Variants in SOX5 observed in about 807,000 individuals in gnomAD.
SOX5 encodes transcription factor SOX-5.
Under a neutral mutation model 92.0 loss-of-function variants are expected in SOX5, and 9 were observed. That is an observed-to-expected ratio of 0.10 (90% CI 0.06 to 0.17). SOX5 has a LOEUF of 0.17. SOX5 is among the 10% of genes least tolerant of loss of function. The pLI is 1.00. For missense variants in SOX5, 642 were observed against 944.5 expected (o/e 0.68, Z 4.20); for synonymous variants, 344 against 336.3 (o/e 1.02, Z -0.25).
chr12:24,369,484 G>A (rs1265841536), intron 1 of SOX5, among the ~76,000 whole-genome samples: 1 of 152,168 alleles, frequency 6.6e-6, no homozygotes, highest in Non-Finnish European at 1.5e-5. Flanking sequence ...TCCCCTGGCT[G>A]GCAATGCTCT....
chr12:24,157,341 CA>C (rs1345105225), intron 4 of SOX5, among the ~76,000 whole-genome samples: 4 of 152,046 alleles, frequency 2.6e-5, no homozygotes, highest in Non-Finnish European at 5.9e-5. Flanking sequence ...TAAGTTAGTT[CA>C]AAGTTCAAGG....
chr12:24,318,966 C>T (rs1660089065), intron 2 of SOX5, among the ~76,000 whole-genome samples: 1 of 152,304 alleles, frequency 6.6e-6, no homozygotes. Flanking sequence ...CCAGATGACA[C>T]CTCACACCGC....
At chr12:24,346,662 G>A (rs781179834) in intron 2 of SOX5, among the ~76,000 whole-genome samples, 5 of 151,864 alleles carry the variant, frequency 3.3e-5, no homozygotes, top group East Asian at 1.9e-4. Context: ...TATGCTGGCC[G>A]GGCTGGTCTC....
At position 23,887,624 on chromosome 12, in the gene SOX5, A is replaced by G. The variant is rs114357449; in HGVS notation, c.270+8169T>C. ...AGCCAAGTATTTCATCATTCTCTCC[A>G]TTGCATTCAAGGTGGTCACCCAGAT... is the stretch of plus-strand genomic sequence containing the variant. On this transcript the variant is annotated intron_variant, in intron 2 of 14. Transcript: ENST00000451604. Among the ~76,000 whole-genome samples the G allele has an allele frequency of 3.3e-3, 506 of 152,168 alleles. 1 individual carries two copies. Among genetic ancestry groups the G allele is most frequent in the African/African-American group, 0.012 (498 of 41,516 alleles).
At chr12:24,231,868 A>AT (rs1191717047) in intron 3 of SOX5, among the ~76,000 whole-genome samples, 2 of 152,210 alleles carry the variant, frequency 1.3e-5, no homozygotes, top group Non-Finnish European at 2.9e-5. Context: ...ATATCAAAGT[A>AT]TTTTTTAAAA....
chr12:24,529,681 T>G (rs1044612144), intron 1 of SOX5, among the ~76,000 whole-genome samples: 1 of 152,184 alleles, frequency 6.6e-6, no homozygotes, highest in Non-Finnish European at 1.5e-5. Flanking sequence ...CCTTGTAATT[T>G]TTTTCAAGAG....
At chr12:23,569,469 A>G (rs144420453) in intron 10 of SOX5, among the ~76,000 whole-genome samples, 1,786 of 152,284 alleles carry the variant, frequency 0.012, 35 homozygotes, top group African/African-American at 0.04. Flanking sequence ...TGCAGCTTTT[A>G]CTGGAACTTT....
intron 1 of SOX5, among the ~76,000 whole-genome samples, chr12:24,547,261 G>A (rs1005882638): frequency 1.7e-4 from 25 of 146,566 alleles, no homozygotes; most frequent in Admixed American, 7.8e-4. Flanking sequence ...GCGCAATCTC[G>A]GCTCAATGCA....
intron 1 of SOX5, among the ~76,000 whole-genome samples, chr12:24,378,685 G>C (rs1957527108): frequency 6.6e-6 from 1 of 152,188 alleles, no homozygotes; most frequent in South Asian, 2.1e-4. Flanking sequence ...GTGTGACAGA[G>C]CTCAGAGGAA....
chr12:23,998,636 C>G (rs987297566), intron 4 of SOX5, among the ~76,000 whole-genome samples: 3 of 151,568 alleles, frequency 2.0e-5, no homozygotes, highest in Admixed American at 6.6e-5. Flanking sequence ...AACCCCATCT[C>G]TACTAAAATA....
At chr12:24,511,912 C>T (rs1949352963) in intron 1 of SOX5, among the ~76,000 whole-genome samples, 2 of 148,024 alleles carry the variant, frequency 1.4e-5, no homozygotes, top group Non-Finnish European at 3.0e-5. Flanking sequence ...GAGCCCAGAT[C>T]GTGCCACTGC....
chr12:24,237,051 C>T (rs971269734), intron 3 of SOX5, among the ~76,000 whole-genome samples: 11 of 152,168 alleles, frequency 7.2e-5, no homozygotes, highest in African/African-American at 2.4e-4. Context: ...AAATGAGAAG[C>T]TGCCAAGAAA....
chr12:23,957,484 C>T (rs756337150), intron 4 of SOX5, among the ~76,000 whole-genome samples: 10 of 152,020 alleles, frequency 6.6e-5, no homozygotes, highest in African/African-American at 9.7e-5. Flanking sequence ...CTGTGATTGG[C>T]GTAGGGGGGA....
At chr12:23,605,267 A>G (rs2075100471) in intron 8 of SOX5, among the ~76,000 whole-genome samples, 1 of 152,012 alleles carries the variant, frequency 6.6e-6, no homozygotes, top group East Asian at 1.9e-4. Flanking sequence ...AATAAAAGAA[A>G]AATTTTACTT....
intron 4 of SOX5, among the ~76,000 whole-genome samples, chr12:24,171,838 T>TA (rs34640698): frequency 1.1e-4 from 16 of 151,624 alleles, no homozygotes; most frequent in East Asian, 5.9e-4. Flanking sequence ...TCTCTATTTT[T>TA]AAAAAAAAGA....
At chr12:24,267,413 T>C (rs1257740357) in intron 3 of SOX5, among the ~76,000 whole-genome samples, 1 of 152,210 alleles carries the variant, frequency 6.6e-6, no homozygotes, top group Non-Finnish European at 1.5e-5. Flanking sequence ...GAGCATTATG[T>C]AAGAAAATAA....
At chr12:24,366,413 G>A (rs1956176753) in intron 2 of SOX5, among the ~76,000 whole-genome samples, 1 of 152,118 alleles carries the variant, frequency 6.6e-6, no homozygotes, top group African/African-American at 2.4e-5. Context: ...TCTGGAAAAG[G>A]CATCTTCTCT....
intron 1 of SOX5, among the ~76,000 whole-genome samples, chr12:24,538,811 AC>A (rs1353111120): frequency 6.6e-6 from 1 of 152,228 alleles, no homozygotes; most frequent in Non-Finnish European, 1.5e-5. Flanking sequence ...GGTTAGCAGT[AC>A]TATGACATAT....
intron 2 of SOX5, among the ~76,000 whole-genome samples, chr12:24,357,586 T>C (rs1037513674): frequency 5.3e-5 from 8 of 152,138 alleles, no homozygotes; most frequent in African/African-American, 1.9e-4. Flanking sequence ...CTCACACCTG[T>C]AATCCTAGCA....
Sources: allele counts gnomAD v4.1 joint callset (sites outside exome capture counted in the v4.1 genomes callset), GRCh38; gene constraint gnomAD v4.1.1; transcripts MANE v1.5; gene names NCBI Gene and HGNC (gene_info 2026-07-23, HGNC 2026-07-21).